TINAG: variants seen among roughly 807,000 people sequenced by gnomAD.
The protein encoded by TINAG is tubulointerstitial nephritis antigen.
In TINAG, 83 loss-of-function variants were observed where a neutral mutation model predicts 72.7. The observed-to-expected ratio is 1.14, with a 90% confidence interval of 0.96 to 1.37. TINAG has a LOEUF of 1.37. TINAG is among the 40% of genes most tolerant of loss of function. The pLI is 0.00. For synonymous variants in TINAG, 234 were observed against 189.9 expected, an observed-to-expected ratio of 1.23 and a Z score of -1.91; for missense variants, 685 against 576.6, an observed-to-expected ratio of 1.19 and a Z score of -1.93.
intron 4 of TINAG, among the ~76,000 whole-genome samples, chr6:54,340,802 G>A (rs1217159053): frequency 4.0e-5 from 6 of 151,840 alleles, no homozygotes; most frequent in Non-Finnish European, 5.9e-5. Context: ...TTATTGAGAC[G>A]GATTCACCAT....
chr6:54,330,125 T>C (rs1312397287), intron 4 of TINAG, among the ~76,000 whole-genome samples: 1 of 152,166 alleles, frequency 6.6e-6, no homozygotes, highest in African/African-American at 2.4e-5. Flanking sequence ...GCGGACTTAA[T>C]AGACATCTAC....
chr6:54,320,508 A>T (rs970997984), intron 1 of TINAG, 71 bp from the exon 2 acceptor site: 2 of 1,248,994 alleles, frequency 1.6e-6, no homozygotes, highest in East Asian at 4.8e-5. Flanking sequence ...ATGATTTTTG[A>T]TTACATTTTA....
At chr6:54,353,796 A>T (rs1297957289) in intron 8 of TINAG, among the ~76,000 whole-genome samples, 1 of 151,854 alleles carries the variant, frequency 6.6e-6, no homozygotes, top group African/African-American at 2.4e-5. Flanking sequence ...ATCAAGCTAT[A>T]CATATCTAAT....
intron 6 of TINAG, among the ~76,000 whole-genome samples, chr6:54,348,311 T>C (rs1582727828): frequency 6.6e-6 from 1 of 152,260 alleles, no homozygotes; most frequent in East Asian, 1.9e-4. Context: ...CAACTTGGGC[T>C]GATACTTTCC....
rs199533449 is a variant in TINAG, at chr6:54,317,376, AGAGG to A, written c.356-3200_356-3197del. On this transcript the variant is annotated intron_variant, in intron 1 of 10. Transcript: ENST00000259782. Reference sequence around the variant, plus strand: ...CACCTGTCATGGGAGGGACCCAGTGAGAGGGAATTGAATCACGGGGACAGGTTTT... The same window carrying A: ...CACCTGTCATGGGAGGGACCCAGTGAGAATTGAATCACGGGGACAGGTTTT... 4.4e-3 allele frequency among the ~76,000 whole-genome samples: 673 copies of A among 152,150 alleles called. 12 individuals are homozygous for A. Among genetic ancestry groups the A allele is most frequent in the Admixed American group, 0.031 (474 of 15,264 alleles).
In TINAG at chr6:54,351,352, G is replaced by A. The variant is rs771554711; in HGVS notation, c.1081G>A (p.Glu361Lys). ...CSPPYRVSSN[E>K]TEIMKEIMQN... ...TGCTTATTCATATTTTTCCATCCAGGAAACTGAGATAATGAAAGAAATCAT... is the reference window on the plus strand; with the variant it reads ...TGCTTATTCATATTTTTCCATCCAGAAAACTGAGATAATGAAAGAAATCAT... Residue 361 changes from glutamate (E) to lysine (K), a missense_variant and splice_region_variant, in exon 8 of 11, where the codon GAA becomes AAA. Coordinates refer to ENST00000259782, the MANE Select transcript of TINAG (RefSeq NM_014464.4). 7.5e-6 allele frequency: 12 copies of A among 1,609,404 alleles called. No individual in the cohort carries two copies. Among genetic ancestry groups the A allele is most frequent in the East Asian group, 2.2e-5 (1 of 44,530 alleles).
rs779187863 is a variant in TINAG at position 54,343,346 on chromosome 6, G to T, written c.745G>T (p.Ala249Ser). 3.3e-6 allele frequency: 5 copies of T among 1,532,316 alleles called. No homozygotes were observed. Among genetic ancestry groups the T allele is most frequent in the Non-Finnish European group, 3.5e-6 (4 of 1,136,274 alleles). 94.9% of individuals were successfully genotyped at this position (1,532,316 alleles called of 1,614,324 possible). A position where few individuals can be genotyped will look rare whatever the true frequency, so the allele number is the denominator to read the frequency against. The stretch of plus-strand genomic sequence containing the variant: ...TGCTGCATCCTGGGCATTTTCCACT[G>T]CAAGTAATAAAGTCATTTTAATTCC... ...NCAASWAFST[A>S]SVAADRIAIQ... The change falls in exon 5 of 11, where the codon GCA becomes TCA. Residue 249 changes from alanine to serine, a missense_variant. Ala to Ser is a moderately conservative substitution (Grantham distance 99). Coordinates refer to ENST00000259782, the MANE Select transcript of TINAG (RefSeq NM_014464.4).
intron 4 of TINAG, among the ~76,000 whole-genome samples, chr6:54,342,073 G>T (rs866420977): frequency 6.6e-6 from 1 of 152,074 alleles, no homozygotes; most frequent in African/African-American, 2.4e-5. Context: ...GTGTGTGTGT[G>T]TGTGTGTGTG....
chr6:54,315,875 T>C lies in TINAG; in HGVS notation c.356-4704T>C, dbSNP rs569727546. Among the ~76,000 whole-genome samples the C allele has an allele frequency of 2.6e-5, 4 of 152,244 alleles. No homozygotes were observed. In the South Asian group the frequency reaches 8.3e-4, roughly 32 times the overall value. On this transcript the variant is annotated intron_variant, in intron 1 of 10. Coordinates refer to ENST00000259782, the MANE Select transcript of TINAG (RefSeq NM_014464.4). ...ACAATATGTTCACATTGGTAAAAAA[T>C]GTATGTGAGTCACTGACATGTTTGA...
At position 54,343,873 on chromosome 6, in the gene TINAG, T is replaced by C. The variant is rs181777397; in HGVS notation, c.748+524T>C. Among the ~76,000 whole-genome samples the C allele has an allele frequency of 7.5e-4, 114 of 152,298 alleles. 1 individual carries two copies. Among genetic ancestry groups the C allele is most frequent in the African/African-American group, 2.5e-3 (104 of 41,582 alleles). ...TATATAGGTTCTGACTCAAAAGTAA[T>C]GTAACTGATCTTTTAATAAGAATAG... On this transcript the variant is annotated intron_variant, in intron 5 of 10. Transcript: ENST00000259782.
At chr6:54,329,747 C>T (rs891427691) in intron 4 of TINAG, among the ~76,000 whole-genome samples, 4 of 151,926 alleles carry the variant, frequency 2.6e-5, no homozygotes, top group Middle Eastern at 3.2e-3. Context: ...TGCAAAGATA[C>T]ACATAGGCTC....
At chr6:54,321,239 T>TAATTGA in intron 2 of TINAG, 58 bp from the exon 3 acceptor site, 1 of 1,242,208 alleles carries the variant, frequency 8.1e-7, no homozygotes, top group Non-Finnish European at 1.2e-6. Flanking sequence ...CTCTTTTTAC[T>TAATTGA]AATTGAAATA....
intron 9 of TINAG, among the ~76,000 whole-genome samples, chr6:54,379,066 C>T (rs953178478): frequency 1.3e-5 from 2 of 152,106 alleles, no homozygotes; most frequent in African/African-American, 4.8e-5. Context: ...TGCATCTCTT[C>T]TAGGAATGTT....
At chr6:54,337,597 A>C (rs1457257334) in intron 4 of TINAG, among the ~76,000 whole-genome samples, 1 of 152,182 alleles carries the variant, frequency 6.6e-6, no homozygotes, top group African/African-American at 2.4e-5. Context: ...CCCTGTCTGA[A>C]CAAACATCTC....
chr6:54,345,496 C>T (rs1286732574), intron 5 of TINAG, among the ~76,000 whole-genome samples: 1 of 152,046 alleles, frequency 6.6e-6, no homozygotes, highest in African/African-American at 2.4e-5. Context: ...GACCAGGCTT[C>T]CAACTTCTGG....
chr6:54,307,891 G>A, upstream of TINAG: 3 of 670,920 alleles, frequency 4.5e-6, no homozygotes, highest in South Asian at 5.8e-5. Flanking sequence ...GACTCAGGTG[G>A]AGAGAACTAA....
At position 54,308,594 on chromosome 6, in the gene TINAG, C is replaced by T. The variant is rs1426622622; in HGVS notation, c.44C>T (p.Thr15Ile). 1 of 1,613,272 alleles carries T rather than the reference C, an allele frequency of 6.2e-7. No homozygotes were observed. The highest frequency in any genetic ancestry group is 8.5e-7 in the Non-Finnish European group (1 of 1,179,650). Residue 15 changes from threonine to isoleucine, a missense_variant, in exon 1 of 11, where the codon ACA becomes ATA. Coordinates refer to ENST00000259782, the MANE Select transcript of TINAG (RefSeq NM_014464.4). ...ATCTTAATCTTCTCTTATCTTACTA[C>T]AGAAATCTGGATGGAGAAGCAGTAT... ...YKILIFSYLT[T>I]EIWMEKQYLS...
chr6:54,356,297 G>A (rs1230904768), intron 9 of TINAG, among the ~76,000 whole-genome samples: 1 of 151,924 alleles, frequency 6.6e-6, no homozygotes, highest in African/African-American at 2.4e-5. Context: ...CACTTTGGGA[G>A]GGCAAGGCGA....
chr6:54,389,978 A>T lies in TINAG; in HGVS notation c.*53A>T. The T allele has an allele frequency of 1.3e-6, 2 of 1,584,140 alleles. No individual in the cohort carries two copies. Among genetic ancestry groups the T allele is most frequent in the Non-Finnish European group, 1.7e-6 (2 of 1,170,258 alleles). ...GCCTTTAAGTAACCCCCTAAATTGA[A>T]GTTTAGCAATATGACATTCTTGGTG... On this transcript the variant is annotated 3_prime_UTR_variant, in exon 11 of 11. Coordinates refer to ENST00000259782, the MANE Select transcript of TINAG (RefSeq NM_014464.4).
Sources: gnomAD v4.1 joint callset for allele counts (sites outside exome capture counted in the v4.1 genomes callset) on GRCh38, gnomAD v4.1.1 for gene constraint, MANE v1.5 for transcripts, NCBI Gene and HGNC (gene_info 2026-07-23, HGNC 2026-07-21) for gene names.